The following NUDT12 variants were observed in gnomAD, a reference collection of about 807,000 sequenced individuals.
NUDT12 encodes NAD-capped RNA hydrolase NUDT12.
A neutral mutation model predicts 45.7 loss-of-function variants in NUDT12; 42 were observed. The ratio of observed to expected loss-of-function variants is 0.92; its 90% CI spans 0.72 to 1.19. NUDT12 has a LOEUF of 1.19. NUDT12 is among the 50% of genes most tolerant of loss of function. The probability of loss-of-function intolerance (pLI) is 0.00; values close to 1 mark genes in which losing one functional copy is unlikely to be tolerated. For synonymous variants in NUDT12, 206 were observed against 179.7 expected (o/e 1.15, Z -1.17); for missense variants, 590 against 533.1 (o/e 1.11, Z -1.05).
In NUDT12 at chr5:103,549,942, T is replaced by C. The variant is rs751305085; in HGVS notation, c.*919A>G. 6.6e-5 allele frequency: 10 copies of C among 152,186 alleles called. No homozygotes were observed. Among genetic ancestry groups the C allele is most frequent in the Admixed American group, 1.3e-4 (2 of 15,264 alleles). 9.4% of individuals were successfully genotyped at this position (152,186 alleles called of 1,614,324 possible). A position where few individuals can be genotyped will look rare whatever the true frequency, so the allele number is the denominator to read the frequency against. On this transcript the variant is annotated 3_prime_UTR_variant, in exon 7 of 7. Transcript: ENST00000230792. Reference sequence around the variant, plus strand: ...TAATAAATAGTATTGGTAATGATTATACAATTTTTTGTTAACACAGATACA... The same window carrying C: ...TAATAAATAGTATTGGTAATGATTACACAATTTTTTGTTAACACAGATACA...
chr5:103,557,453 A>G (rs1407837566), intron 3 of NUDT12, among the ~76,000 whole-genome samples: 1 of 151,684 alleles, frequency 6.6e-6, no homozygotes, highest in Non-Finnish European at 1.5e-5. Context: ...GTCACTGACA[A>G]GTGACCTATT....
chr5:103,560,028 G>A lies in NUDT12; in HGVS notation c.206+15C>T. 6.3e-7 allele frequency: 1 copy of A among 1,576,526 alleles called. No homozygotes were observed. Among genetic ancestry groups the A allele is most frequent in the Non-Finnish European group, 8.7e-7 (1 of 1,145,730 alleles). On this transcript the variant is annotated intron_variant, in intron 2 of 6. Coordinates refer to ENST00000230792, the MANE Select transcript of NUDT12 (RefSeq NM_031438.4). The stretch of plus-strand genomic sequence containing the variant: ...ACCACAAACCCTTTCAGGTGGTACA[G>A]CCTAAAATGTTTACCCTTTCTCAAG...
chr5:103,556,858 G>A (rs1748838981), intron 3 of NUDT12, among the ~76,000 whole-genome samples: 1 of 151,918 alleles, frequency 6.6e-6, no homozygotes, highest in African/African-American at 2.4e-5. Flanking sequence ...ACAGATTTTT[G>A]AAATGAACAA....
At chr5:103,558,247 C>A (rs1037584546) in intron 3 of NUDT12, among the ~76,000 whole-genome samples, 1 of 151,986 alleles carries the variant, frequency 6.6e-6, no homozygotes, top group Non-Finnish European at 1.5e-5. Context: ...GGGTCTCAAC[C>A]TACAGATCAA....
chr5:103,552,491 A>C lies in NUDT12; in HGVS notation c.1079-75T>G, dbSNP rs1177996866. On this transcript the variant is annotated intron_variant, in intron 5 of 6. Coordinates refer to ENST00000230792, the MANE Select transcript of NUDT12 (RefSeq NM_031438.4). ...ACTTTGTGTCCTGAATGGTTCAAACATCTGGAAATCACTTTGGACAGAAAC... is the reference window on the plus strand; with the variant it reads ...ACTTTGTGTCCTGAATGGTTCAAACCTCTGGAAATCACTTTGGACAGAAAC... 1.8e-5 allele frequency: 20 copies of C among 1,091,814 alleles called. No homozygotes were observed. The South Asian group carries it at 2.7e-4, about 15-fold the overall frequency. 67.6% of individuals were successfully genotyped at this position (1,091,814 alleles called of 1,614,324 possible). A position where few individuals can be genotyped will look rare whatever the true frequency, so the allele number is the denominator to read the frequency against.
intron 6 of NUDT12, among the ~76,000 whole-genome samples, chr5:103,551,411 G>A (rs912889582): frequency 3.3e-5 from 5 of 152,088 alleles, no homozygotes; most frequent in Admixed American, 6.6e-5. Flanking sequence ...ACCACGCCCC[G>A]CCTCAACATG....
rs1359950234 is a variant in NUDT12, at chr5:103,559,220, A to G, written c.455T>C (p.Leu152Pro). Reference protein sequence around the residue: ...KESHPATVFILFSDLNPLVTL... With the variant: ...KESHPATVFIPFSDLNPLVTL... Reference sequence around the variant, plus strand: ...AACCAAGGGATTTAAATCTGAGAAAAGAATAAAAACTGTGGCTGGATGGCT... The same window carrying G: ...AACCAAGGGATTTAAATCTGAGAAAGGAATAAAAACTGTGGCTGGATGGCT... The change falls in exon 3 of 7, where the codon CTT becomes CCT. Residue 152 changes from leucine to proline, a missense_variant. By Grantham distance (98) the Leu-to-Pro change is moderately conservative (BLOSUM62 -3). Coordinates refer to ENST00000230792, the MANE Select transcript of NUDT12 (RefSeq NM_031438.4). 1.3e-6 allele frequency: 2 copies of G among 1,559,744 alleles called. No individual in the cohort carries two copies. Among genetic ancestry groups the G allele is most frequent in the Non-Finnish European group, 1.7e-6 (2 of 1,157,610 alleles).
chr5:103,558,928 AAAGT>A lies in NUDT12; in HGVS notation c.743_746del (p.Tyr248PhefsTer12). 6.2e-7 allele frequency: 1 copy of A among 1,609,000 alleles called. No individual in the cohort carries two copies. The highest frequency in any genetic ancestry group is 8.5e-7 in the Non-Finnish European group (1 of 1,178,106). ...GAAGGGCTGGCATAGGAGGATGAAG[AAAGT>A]AACAATTTTCATGTCTTTGCTTGAA... On this transcript the variant is annotated frameshift_variant, in exon 3 of 7. Transcript: ENST00000230792. LOFTEE classifies it high-confidence loss of function.
intron 1 of NUDT12, among the ~76,000 whole-genome samples, chr5:103,561,207 A>G (rs1331074510): frequency 6.6e-6 from 1 of 152,098 alleles, no homozygotes; most frequent in African/African-American, 2.4e-5. Flanking sequence ...CAACATTTCT[A>G]TCATTCTAAG....
chr5:103,554,754 CCAGCAAGGCA>C lies in NUDT12; in HGVS notation c.1054_1063del (p.Cys352AspfsTer9). On this transcript the variant is annotated frameshift_variant, in exon 5 of 7. Coordinates refer to ENST00000230792, the MANE Select transcript of NUDT12 (RefSeq NM_031438.4). LOFTEE classifies it high-confidence loss of function. ...AAATGGCTTACCAGGCTCAATAAAT[CCAGCAAGGCA>C]AGTAAACATGCCTGGGGGAAATCTT... The C allele has an allele frequency of 6.8e-7, 1 of 1,460,320 alleles. No individual in the cohort carries two copies. Among genetic ancestry groups the C allele is most frequent in the Middle Eastern group, 1.8e-4 (1 of 5,586 alleles). The allele number at this position is 1,460,320 out of a possible 1,614,324, so 90.5% of individuals were successfully genotyped here.
chr5:103,551,941 G>GAAAA (rs1231346610), intron 6 of NUDT12, among the ~76,000 whole-genome samples: 4 of 152,084 alleles, frequency 2.6e-5, no homozygotes, highest in African/African-American at 9.7e-5. Flanking sequence ...TAAACCCACT[G>GAAAA]ATAGGTATTA....
rs1748992218 is a variant in NUDT12 at position 103,560,258 on chromosome 5, A to G, written c.-6-4T>C. On this transcript the variant is annotated splice_polypyrimidine_tract_variant and splice_region_variant and intron_variant, in intron 1 of 6. Coordinates refer to ENST00000230792, the MANE Select transcript of NUDT12 (RefSeq NM_031438.4). ...TTTTTACAGAAGACATTTCTTCCTT[A>G]AAAGAAGGAAAATCAGGGGAAAAAG... 1.3e-6 allele frequency: 2 copies of G among 1,593,688 alleles called. No individual in the cohort carries two copies. Among genetic ancestry groups the G allele is most frequent in the African/African-American group, 1.3e-5 (1 of 74,604 alleles).
At chr5:103,560,278 A>G (rs1748993116) in intron 1 of NUDT12, 24 bp from the exon 2 acceptor site, 5 of 1,502,058 alleles carry the variant, frequency 3.3e-6, no homozygotes, top group Non-Finnish European at 4.6e-6. Flanking sequence ...AAATCAGGGG[A>G]AAAAGCTTAT....
Position 103,554,879 on chromosome 5 carries a change from T to C in NUDT12, c.965-26A>G, listed in dbSNP as rs752675533. ...CTGTTGAAAAAAAAAATCAGATACA[T>C]GAATGGCAGGAAAAACGAATTTAGA... On this transcript the variant is annotated intron_variant, in intron 4 of 6. Transcript: ENST00000230792. The C allele has an allele frequency of 3.5e-5, 36 of 1,018,718 alleles. No homozygotes were observed. The East Asian group carries it at 8.9e-4, about 25-fold the overall frequency. The allele number at this position is 1,018,718 out of a possible 1,614,324, so 63.1% of individuals were successfully genotyped here. A position where few individuals can be genotyped will look rare whatever the true frequency, so the allele number is the denominator to read the frequency against.
rs1233620771 is a variant in NUDT12, at chr5:103,558,924, G to A, written c.751C>T (p.His251Tyr). The A allele has an allele frequency of 6.2e-7, 1 of 1,608,070 alleles. No individual in the cohort carries two copies. The highest frequency in any genetic ancestry group is 8.5e-7 in the Non-Finnish European group (1 of 1,177,728). ...KQRHENCYFL[H>Y]PPMPALLQLK... is the part of the protein sequence containing the mutation. ...TGCAGAAGGGCTGGCATAGGAGGAT[G>A]AAGAAAGTAACAATTTTCATGTCTT... is the stretch of plus-strand genomic sequence containing the variant. Residue 251 changes from histidine (H) to tyrosine (Y), a missense_variant, in exon 3 of 7, where the codon CAT becomes TAT. By Grantham distance (83) the His-to-Tyr change is moderately conservative. Transcript: ENST00000230792.
Position 103,559,382 on chromosome 5 carries a change from A to G in NUDT12, c.293T>C (p.Leu98Pro). The change falls in exon 3 of 7, where the codon CTA (leucine) becomes CCA (proline). Residue 98 changes from leucine (L) to proline (P), a missense_variant. Transcript: ENST00000230792. ...CTTCTTCCCACCTTTAGCAGTAGCT[A>G]GTAAATTAGCTATATGCTTATAACC... ...FWGYKHIANL[L>P]ATAKGGKKPW... The G allele has an allele frequency of 2.5e-6, 4 of 1,613,010 alleles. No individual in the cohort carries two copies. Among genetic ancestry groups the G allele is most frequent in the Non-Finnish European group, 3.4e-6 (4 of 1,179,464 alleles).
At chr5:103,561,816 C>T (rs1338811804) in intron 1 of NUDT12, among the ~76,000 whole-genome samples, 1 of 152,198 alleles carries the variant, frequency 6.6e-6, no homozygotes, top group African/African-American at 2.4e-5. Flanking sequence ...ACAGGCCGCG[C>T]CAGGTAACTG....
At position 103,550,223 on chromosome 5, in the gene NUDT12, A is replaced by G. The variant is rs541448428; in HGVS notation, c.*638T>C. ...TTTTCTCCTTCCATGAGGGTGTGGT[A>G]TTGAGATCACTATTAAATTATTAAA... On this transcript the variant is annotated 3_prime_UTR_variant, in exon 7 of 7. Coordinates refer to ENST00000230792, the MANE Select transcript of NUDT12 (RefSeq NM_031438.4). 5.9e-5 allele frequency: 9 copies of G among 152,314 alleles called. No homozygotes were observed. Among genetic ancestry groups the G allele is most frequent in the African/African-American group, 1.4e-4 (6 of 41,558 alleles). The allele number at this position is 152,314 out of a possible 1,614,324, so 9.4% of individuals were successfully genotyped here.
At chr5:103,559,769 T>C (rs1278653624) in intron 2 of NUDT12, 18 of 496,470 alleles carry the variant, frequency 3.6e-5, no homozygotes, top group Admixed American at 2.6e-4. Flanking sequence ...AAGTCCTTGG[T>C]AGTCATAGTG....
Sources: gnomAD v4.1 joint callset for allele counts (sites outside exome capture counted in the v4.1 genomes callset) on GRCh38, gnomAD v4.1.1 for gene constraint, MANE v1.5 for transcripts, NCBI Gene and HGNC (gene_info 2026-07-23, HGNC 2026-07-21) for gene names.